BRIP1: variants seen among roughly 807,000 people sequenced by gnomAD.
BRIP1 encodes Fanconi anemia group J protein.
BRIP1 carries 88 observed loss-of-function variants against 119.7 expected under a neutral mutation model. The ratio of observed to expected loss-of-function variants is 0.74; its 90% confidence interval spans 0.62 to 0.88. The LOEUF is 0.88. Among genes scored for constraint, BRIP1 ranks in the 40% least tolerant of loss-of-function variants. BRIP1 has a pLI of 0.00. For synonymous variants in BRIP1, 443 were observed against 496.5 expected, an observed-to-expected ratio of 0.89 and a Z score of 1.43; for missense variants, 1,259 against 1,455.4, an observed-to-expected ratio of 0.87 and a Z score of 2.20.
rs955780147 is a variant in BRIP1 at position 61,770,496 on chromosome 17, G to T, written c.2097+5905C>A. ...ATAGATACAAAAGACAATATAAAAT[G>T]TATTCTGTTTTTAATTTTTTTTATC... On this transcript the variant is annotated intron_variant, in intron 14 of 19. Transcript: ENST00000259008. The surrounding 1 kb of genome is among the most constrained non-coding windows in gnomAD (Gnocchi z 4.7). Among the ~76,000 whole-genome samples the T allele has an allele frequency of 6.6e-6, 1 of 152,044 alleles. No individual in the cohort carries two copies. Among genetic ancestry groups the T allele is most frequent in the African/African-American group, 2.4e-5 (1 of 41,408 alleles).
chr17:61,783,537 A>G (rs2077655647), intron 11 of BRIP1, among the ~76,000 whole-genome samples: 1 of 152,050 alleles, frequency 6.6e-6, no homozygotes, highest in Non-Finnish European at 1.5e-5. Context: ...TATACGTAAA[A>G]TGGTTAAAAT....
intron 16 of BRIP1, among the ~76,000 whole-genome samples, chr17:61,731,295 C>T (rs969307738): frequency 1.3e-5 from 2 of 152,300 alleles, no homozygotes; most frequent in Non-Finnish European, 2.9e-5. Context: ...TTTATATTCA[C>T]ATCCATTTCC....
rs1603333441 is a variant in BRIP1 at position 61,780,404 on chromosome 17, A to T, written c.1795-3T>A. ...TTGCCATTAATATCTGAAAAGGCCT[A>T]AAAGAAAACAACATTAGATAAATAA... On this transcript the variant is annotated splice_region_variant and splice_polypyrimidine_tract_variant and intron_variant, in intron 12 of 19. Coordinates refer to ENST00000259008, the MANE Select transcript of BRIP1 (RefSeq NM_032043.3). The surrounding 1 kb of genome is among the most constrained non-coding windows in gnomAD (Gnocchi z 5.4). The T allele has an allele frequency of 6.2e-7, 1 of 1,606,256 alleles. No individual in the cohort carries two copies. Among genetic ancestry groups the T allele is most frequent in the East Asian group, 2.2e-5 (1 of 44,806 alleles).
rs2078343788 is a variant in BRIP1, at chr17:61,822,646, G to A, written c.628-13889C>T. 6.6e-6 allele frequency among the ~76,000 whole-genome samples: 1 copy of A among 152,048 alleles called. No individual in the cohort carries two copies. Among genetic ancestry groups the A allele is most frequent in the Non-Finnish European group, 1.5e-5 (1 of 68,014 alleles). The stretch of plus-strand genomic sequence containing the variant: ...GACAAGGTTTCCTTGTGGAAGGACA[G>A]GAGAAAACATAACATGGTTATAGCT... On this transcript the variant is annotated intron_variant, in intron 6 of 19. Transcript: ENST00000259008. The surrounding 1 kb of genome is among the most constrained non-coding windows in gnomAD (Gnocchi z 4.4).
chr17:61,814,275 A>G lies in BRIP1; in HGVS notation c.628-5518T>C, dbSNP rs1419183740. 6.6e-6 allele frequency among the ~76,000 whole-genome samples: 1 copy of G among 152,096 alleles called. No homozygotes were observed. Among genetic ancestry groups the G allele is most frequent in the Non-Finnish European group, 1.5e-5 (1 of 67,912 alleles). Reference sequence around the variant, plus strand: ...TCATTAACATGTTAAACTTCTATTTAAAGATACATATTCCTTAAAGAAGGA... The same window carrying G: ...TCATTAACATGTTAAACTTCTATTTGAAGATACATATTCCTTAAAGAAGGA... On this transcript the variant is annotated intron_variant, in intron 6 of 19. Transcript: ENST00000259008. This position sits in a 1 kb window ranked among gnomAD's most constrained non-coding sequence, Gnocchi z 4.9.
rs999786661 is a variant in BRIP1, at chr17:61,687,057, A to C, written c.2576-892T>G. ...ATTTGGGGAATATGATTAGACCATA[A>C]AAATATGTGAAATTCTCTAAAATTG... On this transcript the variant is annotated intron_variant, in intron 18 of 19. Coordinates refer to ENST00000259008, the MANE Select transcript of BRIP1 (RefSeq NM_032043.3). The surrounding 1 kb of genome is among the most constrained non-coding windows in gnomAD (Gnocchi z 5.1). Among the ~76,000 whole-genome samples, 7 of 152,104 alleles carry C rather than the reference A, an allele frequency of 4.6e-5. No individual in the cohort carries two copies. The highest frequency in any genetic ancestry group is 9.7e-5 in the African/African-American group (4 of 41,408).
rs535491170 is a variant in BRIP1 at position 61,792,241 on chromosome 17, C to T, written c.1473+1356G>A. ...GACTACAGGCGCATACCACCATACC[C>T]GGCAGTTACAGCCACTTTTGAAGAC... On this transcript the variant is annotated intron_variant, in intron 10 of 19. Coordinates refer to ENST00000259008, the MANE Select transcript of BRIP1 (RefSeq NM_032043.3). 1.1e-4 allele frequency among the ~76,000 whole-genome samples: 17 copies of T among 152,298 alleles called. No homozygotes were observed. In the South Asian group the frequency reaches 1.5e-3, roughly 13 times the overall value.
Position 61,857,025 on chromosome 17 carries a change from G to T in BRIP1, c.379+33C>A. 1 of 1,592,108 alleles carries T rather than the reference G, an allele frequency of 6.3e-7. No individual in the cohort carries two copies. Among genetic ancestry groups the T allele is most frequent in the Non-Finnish European group, 8.6e-7 (1 of 1,160,146 alleles). On this transcript the variant is annotated intron_variant, in intron 4 of 19. Transcript: ENST00000259008. This position sits in a 1 kb window ranked among gnomAD's most constrained non-coding sequence, Gnocchi z 5.1. ...AGTAATAATTAAGACTCTTATTACA[G>T]ATATCAACTGACCCAGGCAAAATAT...
Position 61,771,178 on chromosome 17 carries a change from A to C in BRIP1, c.2097+5223T>G, listed in dbSNP as rs373272071. 7.9e-5 allele frequency among the ~76,000 whole-genome samples: 12 copies of C among 152,356 alleles called. No individual in the cohort carries two copies. In the East Asian group the frequency reaches 1.9e-3, roughly 24 times the overall value. The stretch of plus-strand genomic sequence containing the variant: ...AAAAGCCAGACACAAAAAGTCACAT[A>C]TTGTATGATTCAATTTAGATGAAAT... On this transcript the variant is annotated intron_variant, in intron 14 of 19. Transcript: ENST00000259008.
In BRIP1 at chr17:61,759,838, G is replaced by C. The variant is rs368214074; in HGVS notation, c.2098-15247C>G. ...AGTGAGTACATAGTATTGGAAAAAT[G>C]GTGACAATAGACTTGCTTGACACAG... On this transcript the variant is annotated intron_variant, in intron 14 of 19. Coordinates refer to ENST00000259008, the MANE Select transcript of BRIP1 (RefSeq NM_032043.3). This position sits in a 1 kb window ranked among gnomAD's most constrained non-coding sequence, Gnocchi z 4.9. Among the ~76,000 whole-genome samples, 2 of 151,244 alleles carry C rather than the reference G, an allele frequency of 1.3e-5. No homozygotes were observed. Among genetic ancestry groups the C allele is most frequent in the African/African-American group, 4.9e-5 (2 of 41,150 alleles).
chr17:61,830,176 C>A (rs892814888), intron 6 of BRIP1, among the ~76,000 whole-genome samples: 1 of 151,668 alleles, frequency 6.6e-6, no homozygotes, highest in Admixed American at 6.6e-5. Context: ...TCAGGTGATA[C>A]GCTCGCCTCA....
chr17:61,848,345 C>T lies in BRIP1; in HGVS notation c.507+784G>A, dbSNP rs1028328728. On this transcript the variant is annotated intron_variant, in intron 5 of 19. Transcript: ENST00000259008. The surrounding 1 kb of genome is among the most constrained non-coding windows in gnomAD (Gnocchi z 4.3). The stretch of plus-strand genomic sequence containing the variant: ...TCTGTAGGGCTACATGTCTGATGAG[C>T]CTGTAGGGCTCATGCCACCACACCC... Among the ~76,000 whole-genome samples, 1 of 150,270 alleles carries T rather than the reference C, an allele frequency of 6.7e-6. No homozygotes were observed. Among genetic ancestry groups the T allele is most frequent in the Admixed American group, 6.6e-5 (1 of 15,048 alleles).
Position 61,725,273 on chromosome 17 carries a change from T to G in BRIP1, c.2380-9210A>C, listed in dbSNP as rs1413834590. 2.0e-5 allele frequency among the ~76,000 whole-genome samples: 3 copies of G among 152,216 alleles called. No homozygotes were observed. Among genetic ancestry groups the G allele is most frequent in the Non-Finnish European group, 4.4e-5 (3 of 68,036 alleles). ...GAAATGGTTTTTAGTTGTTACTTACTTTCCCTGTTACGTTACAACTTGACC... is the reference window on the plus strand; with the variant it reads ...GAAATGGTTTTTAGTTGTTACTTACGTTCCCTGTTACGTTACAACTTGACC... On this transcript the variant is annotated intron_variant, in intron 16 of 19. Coordinates refer to ENST00000259008, the MANE Select transcript of BRIP1 (RefSeq NM_032043.3). The surrounding 1 kb of genome is among the most constrained non-coding windows in gnomAD (Gnocchi z 5.3).
chr17:61,781,920 C>CAA (rs10710869), intron 11 of BRIP1, among the ~76,000 whole-genome samples: 4 of 128,792 alleles, frequency 3.1e-5, no homozygotes, highest in Admixed American at 7.8e-5. Context: ...GACTCCATCT[C>CAA]AAAAAAAAAA....
rs2077197604 is a variant in BRIP1, at chr17:61,756,147, CAA to C, written c.2098-11558_2098-11557del. Among the ~76,000 whole-genome samples, 1 of 152,116 alleles carries C rather than the reference CAA, an allele frequency of 6.6e-6. No homozygotes were observed. Among genetic ancestry groups the C allele is most frequent in the South Asian group, 2.1e-4 (1 of 4,826 alleles). ...ACAGCAAATTTTCAGTTTCAGATAA[CAA>C]AATATTTAGGTCTACAGCTTTTATA... On this transcript the variant is annotated intron_variant, in intron 14 of 19. Coordinates refer to ENST00000259008, the MANE Select transcript of BRIP1 (RefSeq NM_032043.3). This position sits in a 1 kb window ranked among gnomAD's most constrained non-coding sequence, Gnocchi z 4.3.
rs786201919 is a variant in BRIP1 at position 61,686,018 on chromosome 17, G to A, written c.2723C>T (p.Thr908Ile). 1.1e-5 allele frequency: 17 copies of A among 1,613,860 alleles called. No individual in the cohort carries two copies. The highest frequency in any genetic ancestry group is 6.7e-5 in the Admixed American group (4 of 59,998). ...GTACTTTAAAGAGGTCACTTCAAGT[G>A]TAGACTCATTGTCCTGTATATTGGT... ...DRTNIQDNES[T>I]LEVTSLKYST... The change falls in exon 19 of 20, where the codon ACA becomes ATA. Residue 908 changes from threonine (T) to isoleucine (I), a missense_variant. Around this residue, in one of 3 missense-constraint regions of BRIP1, gnomAD observed 753 missense variants for 891.8 expected, o/e 0.84. Coordinates refer to ENST00000259008, the MANE Select transcript of BRIP1 (RefSeq NM_032043.3). The surrounding 1 kb of genome is among the most constrained non-coding windows in gnomAD (Gnocchi z 5.4).
rs1567816699 is a variant in BRIP1 at position 61,784,264 on chromosome 17, A to G, written c.1628+6T>C. On this transcript the variant is annotated splice_donor_region_variant and intron_variant, in intron 11 of 19. Coordinates refer to ENST00000259008, the MANE Select transcript of BRIP1 (RefSeq NM_032043.3). ...AGGAAAATACATACTAGTTATCTTCACTTACCTGCTATTTTGCCTAAAAAG... is the reference window on the plus strand; with the variant it reads ...AGGAAAATACATACTAGTTATCTTCGCTTACCTGCTATTTTGCCTAAAAAG... 5 of 1,610,898 alleles carry G rather than the reference A, an allele frequency of 3.1e-6. No homozygotes were observed. The highest frequency in any genetic ancestry group is 4.2e-6 in the Non-Finnish European group (5 of 1,177,730).
In BRIP1 at chr17:61,809,114, C is replaced by A. The variant is rs564161694; in HGVS notation, c.628-357G>T. ...TTTTAATTTTTTCTTAGGCTTCATA[C>A]GAACTTGTGATATTATAGTTTAGAG... On this transcript the variant is annotated intron_variant, in intron 6 of 19. Transcript: ENST00000259008. The surrounding 1 kb of genome is among the most constrained non-coding windows in gnomAD (Gnocchi z 5.2). Among the ~76,000 whole-genome samples the A allele has an allele frequency of 1.3e-5, 2 of 152,026 alleles. No individual in the cohort carries two copies. Among genetic ancestry groups the A allele is most frequent in the African/African-American group, 2.4e-5 (1 of 41,402 alleles).
chr17:61,847,072 T>C (rs1452276827), intron 6 of BRIP1, 29 bp downstream of exon 6: 1 of 1,612,998 alleles, frequency 6.2e-7, no homozygotes. Flanking sequence ...CTTCCTTCTT[T>C]AAAACTGAAC....
Sources: gnomAD v4.1 joint callset for allele counts (sites outside exome capture counted in the v4.1 genomes callset) on GRCh38, gnomAD v4.1.1 for gene constraint, gnomAD v4.1.1 regional missense constraint, Gnocchi (gnomAD v3.1) non-coding constraint, MANE v1.5 for transcripts, NCBI Gene and HGNC (gene_info 2026-07-23, HGNC 2026-07-21) for gene names.